Variants in ZNF33A observed in about 807,000 individuals in gnomAD.
ZNF33A encodes zinc finger protein 33A, also known as brain my041 protein.
In ZNF33A, 9 loss-of-function variants were observed where a neutral mutation model predicts 15.9. The ratio of observed to expected loss-of-function variants is 0.57; its 90% CI spans 0.34 to 0.99. ZNF33A has a LOEUF of 0.99. Ranked by LOEUF, ZNF33A falls within the 50% of genes least tolerant of loss-of-function variation. The pLI, the probability that ZNF33A is intolerant of heterozygous loss-of-function variation, is 0.02. For synonymous variants in ZNF33A, 294 were observed against 324.2 expected (o/e 0.91, Z 1.00); for missense variants, 843 against 941.6 (o/e 0.90, Z 1.37).
chr10:38,042,503 C>T (rs138912021), intron 4 of ZNF33A, among the ~76,000 whole-genome samples: 6 of 135,514 alleles, frequency 4.4e-5, no homozygotes, highest in Non-Finnish European at 4.7e-5. Flanking sequence ...TTGCTTTATT[C>T]TTTTTTTTTT....
At chr10:38,047,624 CAAAAAAAAAAA>C (rs554054575) in intron 4 of ZNF33A, among the ~76,000 whole-genome samples, 46 of 74,962 alleles carry the variant, frequency 6.1e-4, no homozygotes, top group South Asian at 4.1e-3. Context: ...GACTCTGTCT[CAAAAAAAAAAA>C]AAAAAAAAAA....
intron 4 of ZNF33A, among the ~76,000 whole-genome samples, chr10:38,032,192 C>A (rs1471947798): frequency 2.0e-5 from 3 of 151,736 alleles, no homozygotes; most frequent in East Asian, 1.9e-4. Flanking sequence ...ATTATCTGTA[C>A]AAGCAAAAGT....
intron 1 of ZNF33A, among the ~76,000 whole-genome samples, 190 bp downstream of exon 1, chr10:38,010,973 G>GAGCAGGGTACGC (rs779118692): frequency 3.3e-5 from 5 of 152,194 alleles, no homozygotes; most frequent in Non-Finnish European, 5.9e-5. Flanking sequence ...CCTCTGTACG[G>GAGCAGGGTACGC]AGCAGGGTAC....
At chr10:38,022,010 A>G (rs182391051) in intron 4 of ZNF33A, among the ~76,000 whole-genome samples, 5 of 152,318 alleles carry the variant, frequency 3.3e-5, no homozygotes, top group Admixed American at 3.3e-4. Flanking sequence ...AGAGAAATTT[A>G]TGGCACTAAA....
Position 38,057,935 on chromosome 10 carries a change from A to C in ZNF33A, c.*1375A>C. The C allele has an allele frequency of 2.0e-6, 2 of 985,412 alleles. No homozygotes were observed. The highest frequency in any genetic ancestry group is 2.4e-6 in the Non-Finnish European group (2 of 829,960). The allele number at this position is 985,412 out of a possible 1,614,324, so 61.0% of individuals were successfully genotyped here. On this transcript the variant is annotated 3_prime_UTR_variant, in exon 5 of 5. Coordinates refer to ENST00000432900, the MANE Select transcript of ZNF33A (RefSeq NM_006954.2). ...TCAGACTTTTGAGAATATGAAGAGG[A>C]GGGTTGAGGCTGGAGCAGAACCAGA...
intron 3 of ZNF33A, 113 bp from the exon 4 acceptor site, chr10:38,017,178 C>T: frequency 2.9e-6 from 4 of 1,381,814 alleles, no homozygotes; most frequent in Non-Finnish European, 4.0e-6. Flanking sequence ...GTTCACCTCT[C>T]CAGTGAAAAT....
rs748802586 is a variant in ZNF33A at position 38,016,029 on chromosome 10, C to T, written c.10-842C>T. ...GAACAATCCAATTGGATGTCTTCTC[C>T]GCTGTACTCCACAGAGGTTTCAAAT... is the stretch of plus-strand genomic sequence containing the variant. On this transcript the variant is annotated intron_variant, in intron 2 of 4. Transcript: ENST00000432900. 5.4e-5 allele frequency: 66 copies of T among 1,230,858 alleles called. No homozygotes were observed. In the Middle Eastern group the frequency reaches 9.3e-4, roughly 17 times the overall value. The allele number at this position is 1,230,858 out of a possible 1,614,324, so 76.2% of individuals were successfully genotyped here.
chr10:38,036,546 C>A (rs1454935898), intron 4 of ZNF33A, among the ~76,000 whole-genome samples: 1 of 152,056 alleles, frequency 6.6e-6, no homozygotes, highest in Non-Finnish European at 1.5e-5. Flanking sequence ...AAATCCAACA[C>A]CCATTCATGA....
intron 4 of ZNF33A, among the ~76,000 whole-genome samples, chr10:38,025,020 T>C (rs2064922581): frequency 6.6e-6 from 1 of 152,254 alleles, no homozygotes; most frequent in South Asian, 2.1e-4. Context: ...GTTATAACTT[T>C]TCTATTTTAT....
intron 4 of ZNF33A, among the ~76,000 whole-genome samples, chr10:38,040,257 A>G (rs986333210): frequency 2.6e-5 from 4 of 152,076 alleles, no homozygotes; most frequent in African/African-American, 7.2e-5. Context: ...GTACTTTTGA[A>G]GCATACCTGC....
At chr10:38,024,999 G>C (rs1338207305) in intron 4 of ZNF33A, among the ~76,000 whole-genome samples, 2 of 152,198 alleles carry the variant, frequency 1.3e-5, no homozygotes, top group Non-Finnish European at 2.9e-5. Context: ...GAGTAGTGAT[G>C]ATAGCATATT....
At chr10:38,064,079 C>T, downstream of ZNF33A, 1 of 1,596,928 alleles carries the variant, frequency 6.3e-7, no homozygotes, top group South Asian at 1.1e-5. Flanking sequence ...CATCCTTACT[C>T]CCTCCCAGGC....
Position 38,059,672 on chromosome 10 carries a change from C to G in ZNF33A, c.*3112C>G, listed in dbSNP as rs1054835941. On this transcript the variant is annotated 3_prime_UTR_variant, in exon 5 of 5. Transcript: ENST00000432900. ...TTTTGGGAGAGGCAAAACTATTGAG[C>G]CAGTGAAAGGACCAGTGGTTGCTGA... The G allele has an allele frequency of 6.6e-6, 1 of 152,076 alleles. No homozygotes were observed. Among genetic ancestry groups the G allele is most frequent in the East Asian group, 1.9e-4 (1 of 5,196 alleles). The allele number at this position is 152,076 out of a possible 1,614,324, so 9.4% of individuals were successfully genotyped here.
intron 4 of ZNF33A, among the ~76,000 whole-genome samples, chr10:38,018,501 T>C (rs901312837): frequency 3.3e-5 from 5 of 152,182 alleles, no homozygotes; most frequent in African/African-American, 1.2e-4. Flanking sequence ...TAAGCCTTAT[T>C]CAGTTAATTT....
chr10:38,067,183 A>G (rs1012112136), downstream of ZNF33A, among the ~76,000 whole-genome samples: 2 of 152,190 alleles, frequency 1.3e-5, no homozygotes, highest in African/African-American at 4.8e-5. Flanking sequence ...TCCTTCCCCC[A>G]TCAATGAATA....
At chr10:38,044,641 T>C (rs1421910678) in intron 4 of ZNF33A, among the ~76,000 whole-genome samples, 3 of 152,186 alleles carry the variant, frequency 2.0e-5, no homozygotes, top group Non-Finnish European at 4.4e-5. Flanking sequence ...ATACTCCCTT[T>C]TCTAAGTAGT....
chr10:38,024,462 G>A (rs1056917312), intron 4 of ZNF33A, among the ~76,000 whole-genome samples: 1 of 152,204 alleles, frequency 6.6e-6, no homozygotes, highest in African/African-American at 2.4e-5. Context: ...ACTCAACTTA[G>A]TAAGTATGCC....
At chr10:38,023,903 A>G (rs2064862668) in intron 4 of ZNF33A, among the ~76,000 whole-genome samples, 1 of 152,192 alleles carries the variant, frequency 6.6e-6, no homozygotes, top group Non-Finnish European at 1.5e-5. Flanking sequence ...TCATGCCTAT[A>G]ATCCCAGCGC....
At chr10:38,062,810 T>C (rs567572422), downstream of ZNF33A, among the ~76,000 whole-genome samples, 1 of 152,110 alleles carries the variant, frequency 6.6e-6, no homozygotes, top group Admixed American at 6.5e-5. Flanking sequence ...GAGATCATCC[T>C]GGCTAACACG....
Sources: allele counts gnomAD v4.1 joint callset (sites outside exome capture counted in the v4.1 genomes callset), GRCh38; gene constraint gnomAD v4.1.1; transcripts MANE v1.5; gene names NCBI Gene and HGNC (gene_info 2026-07-23, HGNC 2026-07-21).